Variants in RASSF5 observed in about 807,000 individuals in gnomAD.
RASSF5 encodes Ras association domain family member 5.
RASSF5 carries 25 observed loss-of-function variants against 40.5 expected under a neutral mutation model. The observed-to-expected ratio is 0.62, with a 90% CI of 0.45 to 0.86. The LOEUF (loss-of-function observed/expected upper bound fraction) is 0.86, where lower values mean the gene tolerates loss of function less well. Among genes scored for constraint, RASSF5 ranks in the 40% least tolerant of loss-of-function variants. The pLI, the probability that RASSF5 is intolerant of heterozygous loss-of-function variation, is 0.00. For missense variants in RASSF5, 521 were observed against 572.8 expected (o/e 0.91, Z 0.92); for synonymous variants, 246 against 252.4 (o/e 0.97, Z 0.24).
At chr1:206,522,383 C>A (rs1340856043) in intron 1 of RASSF5, among the ~76,000 whole-genome samples, 5 of 152,148 alleles carry the variant, frequency 3.3e-5, no homozygotes, top group African/African-American at 9.7e-5. Context: ...AATTTAATTG[C>A]CCTGTTCAAA....
intron 2 of RASSF5, chr1:206,557,035 T>A (rs1043208459): frequency 8.2e-5 from 44 of 537,324 alleles, no homozygotes; most frequent in Non-Finnish European, 9.5e-5. Context: ...CTGCATCCCT[T>A]ATATGACCTG....
At chr1:206,536,022 C>T (rs139586680) in intron 1 of RASSF5, among the ~76,000 whole-genome samples, 18 of 152,250 alleles carry the variant, frequency 1.2e-4, no homozygotes, top group African/African-American at 1.7e-4. Context: ...CCAGGGCCAG[C>T]GCCAGGAACA....
chr1:206,587,366 T>C lies in RASSF5; in HGVS notation c.*388T>C, dbSNP rs782222395. The C allele has an allele frequency of 1.9e-5, 6 of 316,090 alleles. No homozygotes were observed. The highest frequency in any genetic ancestry group is 4.4e-5 in the African/African-American group (2 of 45,662). 19.6% of individuals were successfully genotyped at this position (316,090 alleles called of 1,614,324 possible). A position where few individuals can be genotyped will look rare whatever the true frequency, so the allele number is the denominator to read the frequency against. Reference sequence around the variant, plus strand: ...TTCTTTCTCTGGCATTGATTCCTCTTTGAGTTCTCTTACTTGCCACGTACA... The same window carrying C: ...TTCTTTCTCTGGCATTGATTCCTCTCTGAGTTCTCTTACTTGCCACGTACA... On this transcript the variant is annotated 3_prime_UTR_variant, in exon 6 of 6. Coordinates refer to ENST00000579436, the MANE Select transcript of RASSF5 (RefSeq NM_182663.4).
At chr1:206,524,062 A>C (rs1213086682) in intron 1 of RASSF5, among the ~76,000 whole-genome samples, 106 of 105,282 alleles carry the variant, frequency 1.0e-3, no homozygotes, top group African/African-American at 3.1e-3. Context: ...AATAGGTATA[A>C]CATATATAAT....
intron 2 of RASSF5, among the ~76,000 whole-genome samples, chr1:206,575,307 T>A (rs1668598589): frequency 6.6e-6 from 1 of 152,180 alleles, no homozygotes; most frequent in African/African-American, 2.4e-5. Flanking sequence ...TGGAGATGGC[T>A]TCCTTCCAAG....
chr1:206,512,605 C>T (rs1260194265), intron 1 of RASSF5, among the ~76,000 whole-genome samples: 1 of 152,178 alleles, frequency 6.6e-6, no homozygotes, highest in Non-Finnish European at 1.5e-5. Flanking sequence ...TCTCTTCTCC[C>T]CAATTCTACC....
At chr1:206,520,041 G>A (rs1290113436) in intron 1 of RASSF5, among the ~76,000 whole-genome samples, 1 of 152,068 alleles carries the variant, frequency 6.6e-6, no homozygotes, top group Non-Finnish European at 1.5e-5. Flanking sequence ...TCATTTCCTC[G>A]CTCCTTTGCT....
In RASSF5 at chr1:206,573,024, C is replaced by G. The variant is rs141305301; in HGVS notation, c.580-10245C>G. 1.9e-3 allele frequency among the ~76,000 whole-genome samples: 294 copies of G among 152,244 alleles called. 2 individuals are homozygous for G. Among genetic ancestry groups the G allele is most frequent in the East Asian group, 0.01 (53 of 5,194 alleles). On this transcript the variant is annotated intron_variant, in intron 2 of 5. Transcript: ENST00000579436. Reference sequence around the variant, plus strand: ...TACTGAAGATGATGATGATCATGATCATGATGATGATGGTGATGATGATAA... The same window carrying G: ...TACTGAAGATGATGATGATCATGATGATGATGATGATGGTGATGATGATAA...
At chr1:206,554,723 G>T (rs1180697135) in intron 2 of RASSF5, among the ~76,000 whole-genome samples, 1 of 152,184 alleles carries the variant, frequency 6.6e-6, no homozygotes, top group Non-Finnish European at 1.5e-5. Flanking sequence ...TTCAGACAGG[G>T]CCATTAGATG....
rs1485473538 is a variant in RASSF5, at chr1:206,585,275, A to G, written c.1084A>G (p.Asn362Asp). The stretch of plus-strand genomic sequence containing the variant: ...GGTCCTCAGCTTTGTGCTAAAGGAG[A>G]ATGAAACTGGAGAGGTAGAGGTAGG... ...TEVLSFVLKE[N>D]ETGEVEWDAF... The change falls in exon 5 of 6, where the codon AAT (asparagine) becomes GAT (aspartate). Residue 362 changes from asparagine to aspartate, a missense_variant. Physicochemically the swap from Asn to Asp is conservative, Grantham distance 23 (BLOSUM62 1). Around this residue, in one of 2 missense-constraint regions of RASSF5, gnomAD observed 284 missense variants for 360.8 expected, o/e 0.79. Coordinates refer to ENST00000579436, the MANE Select transcript of RASSF5 (RefSeq NM_182663.4). 6 of 1,613,912 alleles carry G rather than the reference A, an allele frequency of 3.7e-6. No homozygotes were observed. The highest frequency in any genetic ancestry group is 5.1e-6 in the Non-Finnish European group (6 of 1,179,932).
In RASSF5 at chr1:206,584,377, C is replaced by G. The variant is rs1669018966; in HGVS notation, c.691-10C>G. 1 of 1,603,362 alleles carries G rather than the reference C, an allele frequency of 6.2e-7. No individual in the cohort carries two copies. Among genetic ancestry groups the G allele is most frequent in the South Asian group, 1.1e-5 (1 of 89,258 alleles). On this transcript the variant is annotated splice_polypyrimidine_tract_variant and intron_variant, in intron 3 of 5. Coordinates refer to ENST00000579436, the MANE Select transcript of RASSF5 (RefSeq NM_182663.4). The surrounding 1 kb of genome is among the most constrained non-coding windows in gnomAD (Gnocchi z 4.9). ...GGCCCTGACCCCCTGTGACATGCCCCCGCTGGCAGAGTGAAGACGGCACCT... is the reference window on the plus strand; with the variant it reads ...GGCCCTGACCCCCTGTGACATGCCCGCGCTGGCAGAGTGAAGACGGCACCT...
rs1023478370 is a variant in RASSF5, at chr1:206,587,450, C to G, written c.*472C>G. 4.5e-6 allele frequency: 1 copy of G among 221,434 alleles called. No homozygotes were observed. The highest frequency in any genetic ancestry group is 2.4e-5 in the African/African-American group (1 of 42,526). The allele number at this position is 221,434 out of a possible 1,614,324, so 13.7% of individuals were successfully genotyped here. A position where few individuals can be genotyped will look rare whatever the true frequency, so the allele number is the denominator to read the frequency against. On this transcript the variant is annotated 3_prime_UTR_variant, in exon 6 of 6. Transcript: ENST00000579436. ...ATTCCTTTTGCAGGTCTGAGCTAAG[C>G]CCCTGAAAGCAGGGTAATGCTCATA... is the stretch of plus-strand genomic sequence containing the variant.
chr1:206,532,888 GTTC>G (rs1159851539), intron 1 of RASSF5, among the ~76,000 whole-genome samples: 3 of 152,164 alleles, frequency 2.0e-5, no homozygotes, highest in Non-Finnish European at 4.4e-5. Context: ...AACAGAATAA[GTTC>G]TTATCAACAT....
At chr1:206,557,364 G>C in intron 2 of RASSF5, 5 of 1,338,482 alleles carry the variant, frequency 3.7e-6, no homozygotes, top group Non-Finnish European at 4.8e-6. Context: ...CAGGTTACCG[G>C]GCCGCCCGAG....
At chr1:206,524,434 A>G (rs1476962182) in intron 1 of RASSF5, among the ~76,000 whole-genome samples, 2 of 140,726 alleles carry the variant, frequency 1.4e-5, no homozygotes, top group African/African-American at 5.2e-5. Context: ...TATAGATACC[A>G]TATATAATAT....
chr1:206,569,304 T>C (rs1553403853), intron 2 of RASSF5, among the ~76,000 whole-genome samples: 3 of 152,030 alleles, frequency 2.0e-5, no homozygotes, highest in African/African-American at 7.3e-5. Context: ...TAGGTTATGG[T>C]TGGTAAATCA....
intron 2 of RASSF5, among the ~76,000 whole-genome samples, chr1:206,580,312 A>G (rs1327736189): frequency 3.3e-5 from 5 of 152,216 alleles, no homozygotes. Context: ...ATTGGAAACT[A>G]TGAGAGGAGA....
At chr1:206,518,439 A>G (rs1553395681) in intron 1 of RASSF5, 4 of 398,558 alleles carry the variant, frequency 1.0e-5, no homozygotes, top group Non-Finnish European at 1.8e-5. Flanking sequence ...TGGGACAGTC[A>G]CTGCTCAGCT....
chr1:206,589,011 G>T lies in RASSF5; in HGVS notation c.*2033G>T, dbSNP rs563181716. On this transcript the variant is annotated 3_prime_UTR_variant, in exon 6 of 6. Coordinates refer to ENST00000579436, the MANE Select transcript of RASSF5 (RefSeq NM_182663.4). Reference sequence around the variant, plus strand: ...TATAGCTATATATAAAGAGATAAGGGTGTTTATGAAATGAGAAAATTATTG... The same window carrying T: ...TATAGCTATATATAAAGAGATAAGGTTGTTTATGAAATGAGAAAATTATTG... 1 of 152,698 alleles carries T rather than the reference G, an allele frequency of 6.5e-6. No homozygotes were observed. The highest frequency in any genetic ancestry group is 1.5e-5 in the Non-Finnish European group (1 of 68,018). The allele number at this position is 152,698 out of a possible 1,614,324, so 9.5% of individuals were successfully genotyped here.
Sources: allele counts gnomAD v4.1 joint callset (sites outside exome capture counted in the v4.1 genomes callset), GRCh38; gene constraint gnomAD v4.1.1; regional missense constraint gnomAD v4.1.1; non-coding constraint Gnocchi (gnomAD v3.1); transcripts MANE v1.5; gene names NCBI Gene and HGNC (gene_info 2026-07-23, HGNC 2026-07-21).